The following PPP1R12A variants were observed in gnomAD, a reference collection of about 807,000 sequenced individuals.
PPP1R12A encodes the protein protein phosphatase 1 regulatory subunit 12A, also known as myosin binding subunit.
PPP1R12A carries 19 observed loss-of-function variants against 139.6 expected under a neutral mutation model. That is an observed-to-expected ratio of 0.14 (90% CI 0.09 to 0.20). PPP1R12A has a LOEUF of 0.20. Among genes scored for constraint, PPP1R12A ranks in the 10% least tolerant of loss-of-function variants. PPP1R12A has a pLI of 1.00. For missense variants in PPP1R12A, 925 were observed against 1,211.5 expected (o/e 0.76, Z 3.51); for synonymous variants, 427 against 420.6 (o/e 1.02, Z -0.19).
At chr12:79,918,103 A>G (rs1326071780) in intron 1 of PPP1R12A, among the ~76,000 whole-genome samples, 1 of 152,138 alleles carries the variant, frequency 6.6e-6, no homozygotes, top group African/African-American at 2.4e-5. Context: ...TTCTGAACTG[A>G]AAAGTACAGA....
chr12:79,877,349 TC>T lies in PPP1R12A; in HGVS notation c.238-4412del, dbSNP rs1883207702. On this transcript the variant is annotated intron_variant, in intron 1 of 24. Coordinates refer to ENST00000450142, the MANE Select transcript of PPP1R12A (RefSeq NM_002480.3). ...AGATATTGCTCAAGAAAACTATTTT[TC>T]ACAGGGCAGTGGTTAAAAGAAAGAG... Among the ~76,000 whole-genome samples the T allele has an allele frequency of 3.3e-5, 5 of 152,258 alleles. No homozygotes were observed. In the South Asian group the frequency reaches 1.0e-3, roughly 32 times the overall value.
At chr12:79,848,353 C>A (rs539792097) in intron 2 of PPP1R12A, among the ~76,000 whole-genome samples, 4 of 152,078 alleles carry the variant, frequency 2.6e-5, no homozygotes, top group African/African-American at 2.4e-5. Context: ...AGGCAAAATT[C>A]CAAACAATTA....
In PPP1R12A at chr12:79,805,724, T is replaced by C; in HGVS notation, c.1868A>G (p.Lys623Arg). The C allele has an allele frequency of 1.2e-6, 2 of 1,613,352 alleles. No individual in the cohort carries two copies. Among genetic ancestry groups the C allele is most frequent in the Non-Finnish European group, 1.7e-6 (2 of 1,179,528 alleles). The change falls in exon 14 of 25, where the codon AAG becomes AGG. Residue 623 changes from lysine to arginine, a missense_variant. Lys to Arg is a conservative substitution (Grantham distance 26). This residue lies in a region of PPP1R12A where 403 missense variants were observed against 463.7 expected (regional missense o/e 0.87). Coordinates refer to ENST00000450142, the MANE Select transcript of PPP1R12A (RefSeq NM_002480.3). ...GGTCACTGCCGTAGGAACACTGTCCTTTTCTTTCTCAGTACTATCCTCAGC... is the reference window on the plus strand; with the variant it reads ...GGTCACTGCCGTAGGAACACTGTCCCTTTCTTTCTCAGTACTATCCTCAGC... ...LWAEDSTEKEKDSVPTAVTIP... is the reference protein window; with the variant it reads ...LWAEDSTEKERDSVPTAVTIP...
Position 79,832,503 on chromosome 12 carries a change from A to G in PPP1R12A, c.488-12T>C. On this transcript the variant is annotated splice_polypyrimidine_tract_variant and intron_variant, in intron 3 of 24. Coordinates refer to ENST00000450142, the MANE Select transcript of PPP1R12A (RefSeq NM_002480.3). ...TTCTATATCAACCCCTGATAAAATA[A>G]AAATAGTTCTTTTTATTTTTGCTTA... 1 of 1,566,070 alleles carries G rather than the reference A, an allele frequency of 6.4e-7. No individual in the cohort carries two copies. The highest frequency in any genetic ancestry group is 8.6e-7 in the Non-Finnish European group (1 of 1,157,768).
intron 1 of PPP1R12A, among the ~76,000 whole-genome samples, chr12:79,894,731 A>G (rs146459059): frequency 7.0e-4 from 106 of 152,316 alleles, no homozygotes; most frequent in African/African-American, 2.5e-3. Context: ...CAAAAATGTA[A>G]TTTAACTTTT....
chr12:79,806,411 T>C, intron 12 of PPP1R12A, 78 bp from the exon 13 acceptor site: 1 of 1,330,154 alleles, frequency 7.5e-7, no homozygotes, highest in South Asian at 1.7e-5. Flanking sequence ...TTATATAAAT[T>C]ACAAGGCTAG....
At chr12:79,783,289 C>A (rs1870693228) in intron 22 of PPP1R12A, among the ~76,000 whole-genome samples, 1 of 103,490 alleles carries the variant, frequency 9.7e-6, no homozygotes, top group South Asian at 3.2e-4. Context: ...GAAACCCCGT[C>A]TCTACCAAAA....
At chr12:79,825,148 A>C (rs1274487469) in intron 5 of PPP1R12A, 2 of 152,178 alleles carry the variant, frequency 1.3e-5, no homozygotes, top group Non-Finnish European at 2.9e-5. Flanking sequence ...CTAGGTCTCT[A>C]CTAGTGTGTC....
Position 79,806,313 on chromosome 12 carries a change from T to C in PPP1R12A, c.1676A>G (p.Gln559Arg). The C allele has an allele frequency of 6.2e-7, 1 of 1,613,736 alleles. No individual in the cohort carries two copies. Among genetic ancestry groups the C allele is most frequent in the Non-Finnish European group, 8.5e-7 (1 of 1,179,680 alleles). Residue 559 changes from glutamine to arginine, a missense_variant, in exon 13 of 25, where the codon CAA becomes CGA. By Grantham distance (43) the Gln-to-Arg change is conservative. Coordinates refer to ENST00000450142, the MANE Select transcript of PPP1R12A (RefSeq NM_002480.3). ...AACACTAGAACTAATCAAATCATCTTGTCTTCTACCAAAGGAGCAACTAAA... is the reference window on the plus strand; with the variant it reads ...AACACTAGAACTAATCAAATCATCTCGTCTTCTACCAAAGGAGCAACTAAA... ...YHKSCSFGRR[Q>R]DDLISSSVPS...
At chr12:79,882,945 T>C (rs1408008751) in intron 1 of PPP1R12A, among the ~76,000 whole-genome samples, 3 of 152,144 alleles carry the variant, frequency 2.0e-5, no homozygotes, top group Non-Finnish European at 2.9e-5. Context: ...GGGACCAGCC[T>C]GACCAACATG....
intron 18 of PPP1R12A, 21 bp downstream of exon 18, chr12:79,795,617 T>C (rs760570240): frequency 9.4e-6 from 15 of 1,593,118 alleles, no homozygotes; most frequent in South Asian, 2.2e-5. Flanking sequence ...TATCAAATAA[T>C]GTATTTTAAT....
upstream of PPP1R12A, chr12:79,935,335 G>A: frequency 9.7e-7 from 1 of 1,026,474 alleles, no homozygotes; most frequent in Non-Finnish European, 1.2e-6. Context: ...GGCCCAGGCA[G>A]CGGGGGCTGG....
intron 2 of PPP1R12A, among the ~76,000 whole-genome samples, chr12:79,853,819 C>CTACTTATTGTTT (rs1880323571): frequency 1.3e-5 from 2 of 152,174 alleles, no homozygotes; most frequent in South Asian, 4.1e-4. Flanking sequence ...TATTGTTTAA[C>CTACTTATTGTTT]AATTCTAAGA....
intron 1 of PPP1R12A, among the ~76,000 whole-genome samples, chr12:79,884,667 A>C (rs894167800): frequency 2.6e-5 from 4 of 152,200 alleles, no homozygotes; most frequent in Admixed American, 6.5e-5. Context: ...ATAAGGAAAG[A>C]AGCAGAACGG....
At chr12:79,927,632 A>G (rs978446578) in intron 1 of PPP1R12A, among the ~76,000 whole-genome samples, 7 of 152,226 alleles carry the variant, frequency 4.6e-5, no homozygotes, top group African/African-American at 1.7e-4. Flanking sequence ...GGCATAGGGT[A>G]AAGTTTGAGT....
chr12:79,789,098 AATTC>A (rs780248799), intron 20 of PPP1R12A, among the ~76,000 whole-genome samples: 4 of 152,066 alleles, frequency 2.6e-5, no homozygotes, highest in Middle Eastern at 6.8e-3. Flanking sequence ...CACCATGCCT[AATTC>A]TGTACTTTTG....
At chr12:79,805,175 A>G (rs1235552650) in intron 14 of PPP1R12A, among the ~76,000 whole-genome samples, 1 of 152,224 alleles carries the variant, frequency 6.6e-6, no homozygotes, top group Non-Finnish European at 1.5e-5. Context: ...ACAGGAACAA[A>G]ACAGTTCAAC....
chr12:79,874,677 T>C (rs745322049), intron 1 of PPP1R12A, among the ~76,000 whole-genome samples: 8 of 152,014 alleles, frequency 5.3e-5, no homozygotes, highest in Non-Finnish European at 1.2e-4. Context: ...AAAAAAAAAA[T>C]TTGAGAACTA....
At position 79,845,372 on chromosome 12, in the gene PPP1R12A, T is replaced by A. The variant is rs1490980169; in HGVS notation, c.417A>T (p.Gly139=). ...GAHVGAVNSE[G]DTPLDIAEEE... ...CCTCCGCAATATCTAAAGGTGTATC[T>A]CCTTCACTGTTGACAGCCCCTACAT... Residue 139 remains glycine (G), a synonymous_variant, in exon 3 of 25, where the codon GGA becomes GGT. Transcript: ENST00000450142. 6.2e-7 allele frequency: 1 copy of A among 1,613,598 alleles called. No homozygotes were observed. The highest frequency in any genetic ancestry group is 8.5e-7 in the Non-Finnish European group (1 of 1,179,780).
Sources: gnomAD v4.1 joint callset for allele counts (sites outside exome capture counted in the v4.1 genomes callset) on GRCh38, gnomAD v4.1.1 for gene constraint, gnomAD v4.1.1 regional missense constraint, MANE v1.5 for transcripts, NCBI Gene and HGNC (gene_info 2026-07-23, HGNC 2026-07-21) for gene names.